FHIT: variants seen among roughly 807,000 people sequenced by gnomAD.
FHIT encodes the protein bis(5'-adenosyl)-triphosphatase.
FHIT carries 19 observed loss-of-function variants against 17.9 expected under a neutral mutation model. The ratio of observed to expected loss-of-function variants is 1.06; its 90% CI spans 0.74 to 1.56. FHIT has a LOEUF of 1.56. Among genes scored for constraint, FHIT ranks in the 40% most tolerant of loss-of-function variants. FHIT has a pLI of 0.00. For missense variants in FHIT, 248 were observed against 189.2 expected (o/e 1.31, Z -1.82); for synonymous variants, 81 against 69.7 (o/e 1.16, Z -0.81).
At chr3:60,988,685 C>A (rs1559890247) in intron 3 of FHIT, among the ~76,000 whole-genome samples, 1 of 152,062 alleles carries the variant, frequency 6.6e-6, no homozygotes, top group African/African-American at 2.4e-5. Context: ...ACCTGGAGGC[C>A]TGTTCAAGAC....
chr3:60,387,868 G>A (rs895796150), intron 5 of FHIT, among the ~76,000 whole-genome samples: 2 of 152,056 alleles, frequency 1.3e-5, no homozygotes, highest in African/African-American at 4.8e-5. Flanking sequence ...AGGTGTTTGG[G>A]TCCCAGGGGC....
chr3:60,590,848 T>C (rs976695192), intron 4 of FHIT, among the ~76,000 whole-genome samples: 5 of 152,060 alleles, frequency 3.3e-5, no homozygotes, highest in South Asian at 2.1e-4. Context: ...GCACAGGCTA[T>C]GGCAGGATTA....
At chr3:61,210,947 C>T (rs944629165) in intron 1 of FHIT, among the ~76,000 whole-genome samples, 1 of 151,984 alleles carries the variant, frequency 6.6e-6, no homozygotes, top group Non-Finnish European at 1.5e-5. Flanking sequence ...CATCTTGGCT[C>T]CATCCCCCGT....
At chr3:61,030,217 A>T (rs2107665530) in intron 3 of FHIT, among the ~76,000 whole-genome samples, 1 of 152,092 alleles carries the variant, frequency 6.6e-6, no homozygotes, top group Middle Eastern at 3.4e-3. Flanking sequence ...CCATCCACCC[A>T]CCTCAGCCTC....
At chr3:60,668,371 GAAAAAAAAAAAAAAA>G (rs60941309) in intron 4 of FHIT, among the ~76,000 whole-genome samples, 4 of 68,030 alleles carry the variant, frequency 5.9e-5, no homozygotes, top group Non-Finnish European at 1.1e-4. Context: ...GCTCAATCAG[GAAAAAAAAAAAAAAA>G]AAAAAAAAAA....
At position 59,779,338 on chromosome 3, in the gene FHIT, T is replaced by G. The variant is rs996649512; in HGVS notation, c.349-27017A>C. Among the ~76,000 whole-genome samples the G allele has an allele frequency of 2.6e-5, 4 of 152,284 alleles. No individual in the cohort carries two copies. The South Asian group carries it at 6.2e-4, about 24-fold the overall frequency. On this transcript the variant is annotated intron_variant, in intron 8 of 9. Coordinates refer to ENST00000492590, the MANE Select transcript of FHIT (RefSeq NM_002012.4). ...TACCGAGAGGCAGGTTCCAGGAAGC[T>G]GAAGCCAACAGAATCAAACCTTAAC... is the stretch of plus-strand genomic sequence containing the variant.
chr3:60,732,103 G>C, intron 4 of FHIT: 2 of 662,342 alleles, frequency 3.0e-6, no homozygotes, highest in Admixed American at 4.3e-5. Context: ...CTGAGCTACA[G>C]AAGGAATGGT....
intron 4 of FHIT, among the ~76,000 whole-genome samples, chr3:60,755,132 T>C (rs147166260): frequency 6.6e-6 from 1 of 151,772 alleles, no homozygotes; most frequent in Non-Finnish European, 1.5e-5. Flanking sequence ...TCAAGGTCCA[T>C]CTACTCTGTA....
chr3:60,361,391 T>C (rs1699900622), intron 5 of FHIT, among the ~76,000 whole-genome samples: 1 of 152,108 alleles, frequency 6.6e-6, no homozygotes, highest in Admixed American at 6.6e-5. Flanking sequence ...CAAAGGCACG[T>C]ACACAAAAAA....
chr3:59,915,814 C>T (rs557130297), intron 8 of FHIT, among the ~76,000 whole-genome samples: 1 of 152,112 alleles, frequency 6.6e-6, no homozygotes, highest in South Asian at 2.1e-4. Flanking sequence ...TGCCTGTAGT[C>T]CTAGCCACTC....
intron 5 of FHIT, among the ~76,000 whole-genome samples, chr3:60,499,016 T>TAGC (rs1179059680): frequency 4.0e-5 from 6 of 149,274 alleles, no homozygotes; most frequent in African/African-American, 1.5e-4. Flanking sequence ...AATAAAGCAA[T>TAGC]AGCGTGATAG....
chr3:60,448,499 T>C (rs923494455), intron 5 of FHIT, among the ~76,000 whole-genome samples: 3 of 152,190 alleles, frequency 2.0e-5, no homozygotes, highest in Non-Finnish European at 4.4e-5. Context: ...ATCTTCACAG[T>C]AACTCTGAAT....
Position 59,813,036 on chromosome 3 carries a change from G to T in FHIT, c.349-60715C>A, listed in dbSNP as rs150612073. The stretch of plus-strand genomic sequence containing the variant: ...GCAAGCCATATCTTTTCTGTGAGTT[G>T]TTATAGTTTTCATTCCTGGAATTCC... On this transcript the variant is annotated intron_variant, in intron 8 of 9. Transcript: ENST00000492590. Among the ~76,000 whole-genome samples, 1,371 of 152,106 alleles carry T rather than the reference G, an allele frequency of 9.0e-3. 13 individuals are homozygous for T. The highest frequency in any genetic ancestry group is 0.02 in the African/African-American group (849 of 41,486).
At chr3:60,471,711 AC>A (rs150157352) in intron 5 of FHIT, among the ~76,000 whole-genome samples, 2,290 of 152,258 alleles carry the variant, frequency 0.015, 60 homozygotes, top group African/African-American at 0.051. Context: ...TTATGAAGGT[AC>A]TTTTTTGTAT....
intron 4 of FHIT, among the ~76,000 whole-genome samples, chr3:60,719,369 C>T (rs1261996287): frequency 6.6e-6 from 1 of 152,184 alleles, no homozygotes; most frequent in Non-Finnish European, 1.5e-5. Flanking sequence ...TATCGGACCT[C>T]TGTCTGTTTG....
intron 5 of FHIT, among the ~76,000 whole-genome samples, chr3:60,168,302 A>T (rs1701265645): frequency 6.6e-6 from 1 of 152,210 alleles, no homozygotes; most frequent in Non-Finnish European, 1.5e-5. Context: ...TTAATCTAAC[A>T]CATGGAGCAG....
At chr3:60,375,400 C>T (rs973828094) in intron 5 of FHIT, among the ~76,000 whole-genome samples, 62 of 110,498 alleles carry the variant, frequency 5.6e-4, no homozygotes, top group African/African-American at 2.4e-3. Flanking sequence ...AAAACCCCAT[C>T]TCTACTTTAA....
chr3:59,875,534 T>C (rs545729302), intron 8 of FHIT, among the ~76,000 whole-genome samples: 2 of 152,308 alleles, frequency 1.3e-5, no homozygotes, highest in South Asian at 4.1e-4. Flanking sequence ...TCCTGTGCAG[T>C]GAGGGGGAAG....
chr3:59,763,040 T>TC (rs962685669), intron 8 of FHIT, among the ~76,000 whole-genome samples: 8 of 152,038 alleles, frequency 5.3e-5, no homozygotes, highest in South Asian at 2.1e-4. Flanking sequence ...TAAGCCTTTT[T>TC]CCCCCCCGCC....
Sources: gnomAD v4.1 joint callset for allele counts (sites outside exome capture counted in the v4.1 genomes callset) on GRCh38, gnomAD v4.1.1 for gene constraint, MANE v1.5 for transcripts, NCBI Gene and HGNC (gene_info 2026-07-23, HGNC 2026-07-21) for gene names.